Variants in BBS9 observed in about 807,000 individuals in gnomAD.
BBS9 encodes the protein protein PTHB1.
In BBS9, 89 loss-of-function variants were observed where a neutral mutation model predicts 117.7. The observed-to-expected ratio is 0.76, with a 90% confidence interval of 0.64 to 0.90. The LOEUF is 0.90. BBS9 is among the 40% of genes least tolerant of loss of function. BBS9 has a pLI of 0.00. For synonymous variants in BBS9, 379 were observed against 370.9 expected (o/e 1.02, Z -0.25); for missense variants, 982 against 1,042.2 (o/e 0.94, Z 0.80).
chr7:33,483,107 C>T (rs887228213), intron 19 of BBS9, among the ~76,000 whole-genome samples: 7 of 151,028 alleles, frequency 4.6e-5, no homozygotes, highest in Middle Eastern at 3.4e-3. Context: ...CTTTGGGGGG[C>T]GGGGGGAATA....
chr7:33,423,169 G>A (rs1209294429), intron 19 of BBS9, among the ~76,000 whole-genome samples: 1 of 152,100 alleles, frequency 6.6e-6, no homozygotes, highest in Non-Finnish European at 1.5e-5. Flanking sequence ...CTGCTGAGGG[G>A]CTGAGACATT....
intron 20 of BBS9, among the ~76,000 whole-genome samples, chr7:33,514,526 G>C (rs1024321084): frequency 6.6e-6 from 1 of 152,140 alleles, no homozygotes; most frequent in Non-Finnish European, 1.5e-5. Flanking sequence ...AGCTGTTACA[G>C]GGAGTTTCCT....
In BBS9 at chr7:33,352,883, A is replaced by C. The variant is rs762150446; in HGVS notation, c.1552+10A>C. ...GATCGAAATCCTGATGGTAAGTGTA[A>C]AGATAATTTAGAAAAAAATGAATTT... is the stretch of plus-strand genomic sequence containing the variant. On this transcript the variant is annotated intron_variant, in intron 15 of 22. Transcript: ENST00000242067. The C allele has an allele frequency of 6.2e-7, 1 of 1,610,348 alleles. No individual in the cohort carries two copies. Among genetic ancestry groups the C allele is most frequent in the African/African-American group, 1.3e-5 (1 of 74,940 alleles).
intron 19 of BBS9, among the ~76,000 whole-genome samples, chr7:33,397,543 A>G (rs989293265): frequency 6.6e-6 from 1 of 152,198 alleles, no homozygotes; most frequent in Non-Finnish European, 1.5e-5. Flanking sequence ...CACAGTTCAC[A>G]ATAGCAAAAA....
At chr7:33,512,991 C>T (rs747498681) in intron 20 of BBS9, among the ~76,000 whole-genome samples, 1 of 152,238 alleles carries the variant, frequency 6.6e-6, no homozygotes, top group African/African-American at 2.4e-5. Flanking sequence ...AGTGCTCTCC[C>T]ATCACACACC....
rs909662594 is a variant in BBS9 at position 33,156,882 on chromosome 7, C to G, written c.328+1180C>G. 8.5e-5 allele frequency among the ~76,000 whole-genome samples: 13 copies of G among 152,084 alleles called. No homozygotes were observed. The East Asian group carries it at 2.5e-3, about 29-fold the overall frequency. Reference sequence around the variant, plus strand: ...CATGTTGCTCCTCCTAGTGTCAGGGCATTTATTTAGTATGCCAGAGTAAAT... The same window carrying G: ...CATGTTGCTCCTCCTAGTGTCAGGGGATTTATTTAGTATGCCAGAGTAAAT... On this transcript the variant is annotated intron_variant, in intron 4 of 22. Transcript: ENST00000242067.
chr7:33,307,351 T>C (rs1808236326), intron 9 of BBS9, among the ~76,000 whole-genome samples: 1 of 152,182 alleles, frequency 6.6e-6, no homozygotes, highest in South Asian at 2.1e-4. Context: ...TTGAAGAGCA[T>C]GTGTTTGTTG....
At chr7:33,603,764 T>G (rs1864165325) in intron 21 of BBS9, among the ~76,000 whole-genome samples, 1 of 152,184 alleles carries the variant, frequency 6.6e-6, no homozygotes, top group Non-Finnish European at 1.5e-5. Context: ...TCAGGGAATC[T>G]CTGAGGATAG....
chr7:33,546,193 A>G (rs537515953), intron 21 of BBS9, among the ~76,000 whole-genome samples: 64 of 152,216 alleles, frequency 4.2e-4, no homozygotes, highest in Non-Finnish European at 6.8e-4. Context: ...TCGGCCTCCC[A>G]AAGTGCTGGG....
At chr7:33,167,874 C>T (rs2128138844) in intron 4 of BBS9, among the ~76,000 whole-genome samples, 1 of 152,092 alleles carries the variant, frequency 6.6e-6, no homozygotes, top group South Asian at 2.1e-4. Context: ...TAAAATTAAG[C>T]AATTAACTGT....
At chr7:33,190,357 A>G (rs1783920516) in intron 5 of BBS9, among the ~76,000 whole-genome samples, 1 of 152,172 alleles carries the variant, frequency 6.6e-6, no homozygotes, top group Non-Finnish European at 1.5e-5. Context: ...CACACAACTC[A>G]AGAGTTAAAT....
chr7:33,585,362 C>CA (rs1391636456), intron 21 of BBS9, among the ~76,000 whole-genome samples: 1 of 152,058 alleles, frequency 6.6e-6, no homozygotes, highest in Non-Finnish European at 1.5e-5. Context: ...GTCTAGAACT[C>CA]AGATTGTTTG....
chr7:33,486,827 G>C (rs951900251), intron 19 of BBS9, among the ~76,000 whole-genome samples: 2 of 152,152 alleles, frequency 1.3e-5, no homozygotes, highest in Non-Finnish European at 2.9e-5. Context: ...GAATTCTCAG[G>C]GGAAGTCTTT....
At chr7:33,134,611 G>C (rs1374960402) in intron 1 of BBS9, among the ~76,000 whole-genome samples, 1 of 151,444 alleles carries the variant, frequency 6.6e-6, no homozygotes, top group Non-Finnish European at 1.5e-5. Context: ...TTGTTTTTTT[G>C]AGATAGAGTC....
intron 19 of BBS9, among the ~76,000 whole-genome samples, chr7:33,475,796 C>A (rs1340120884): frequency 6.6e-6 from 1 of 152,030 alleles, no homozygotes; most frequent in East Asian, 1.9e-4. Context: ...AAAGAAAGAG[C>A]GAGAGGAATG....
At chr7:33,313,255 C>T (rs1401062980) in intron 9 of BBS9, among the ~76,000 whole-genome samples, 1 of 151,726 alleles carries the variant, frequency 6.6e-6, no homozygotes, top group Non-Finnish European at 1.5e-5. Context: ...ACTCTCTTTA[C>T]TTTTAAGTTC....
At chr7:33,532,295 A>G (rs1850706171) in intron 20 of BBS9, among the ~76,000 whole-genome samples, 1 of 152,254 alleles carries the variant, frequency 6.6e-6, no homozygotes, top group African/African-American at 2.4e-5. Flanking sequence ...AATACAGTGG[A>G]GCAAGAGCTG....
At chr7:33,589,225 G>A (rs1861465677) in intron 21 of BBS9, among the ~76,000 whole-genome samples, 1 of 152,086 alleles carries the variant, frequency 6.6e-6, no homozygotes, top group Admixed American at 6.6e-5. Flanking sequence ...AAAAAATGTT[G>A]TGTTTTCCTA....
chr7:33,413,458 T>C (rs1229034757), intron 19 of BBS9, among the ~76,000 whole-genome samples: 1 of 152,218 alleles, frequency 6.6e-6, no homozygotes, highest in African/African-American at 2.4e-5. Flanking sequence ...TTATTACTAA[T>C]TTTATGAGTT....
Sources: gnomAD v4.1 joint callset for allele counts (sites outside exome capture counted in the v4.1 genomes callset) on GRCh38, gnomAD v4.1.1 for gene constraint, MANE v1.5 for transcripts, NCBI Gene and HGNC (gene_info 2026-07-23, HGNC 2026-07-21) for gene names.